Variants in EYS observed in about 807,000 individuals in gnomAD.
EYS encodes protein eyes shut homolog.
A neutral mutation model predicts 282.1 loss-of-function variants in EYS; 250 were observed. That is an observed-to-expected ratio of 0.89 (90% CI 0.80 to 0.98). The LOEUF (loss-of-function observed/expected upper bound fraction) is 0.98. Ranked by LOEUF, EYS falls within the 50% of genes least tolerant of loss-of-function variation. The pLI is 0.00. For missense variants in EYS, 4,016 were observed against 3,709.0 expected, an observed-to-expected ratio of 1.08 and a Z score of -2.15; for synonymous variants, 1,355 against 1,282.9, an observed-to-expected ratio of 1.06 and a Z score of -1.20.
At chr6:64,235,647 T>A (rs1353267467) in intron 30 of EYS, among the ~76,000 whole-genome samples, 1 of 152,100 alleles carries the variant, frequency 6.6e-6, no homozygotes, top group Non-Finnish European at 1.5e-5. Flanking sequence ...TGGTTCTAGA[T>A]CCCTGAGGAA....
chr6:65,616,055 C>G (rs961152589), intron 2 of EYS, among the ~76,000 whole-genome samples: 7 of 146,930 alleles, frequency 4.8e-5, no homozygotes, highest in Non-Finnish European at 7.6e-5. Context: ...AATGCATTAG[C>G]ATCAAGCATT....
intron 2 of EYS, among the ~76,000 whole-genome samples, chr6:65,622,954 G>C (rs1461115217): frequency 1.3e-5 from 2 of 152,110 alleles, no homozygotes; most frequent in East Asian, 3.9e-4. Context: ...GCTGAGATCT[G>C]TCTATGTTGC....
chr6:65,128,943 G>A (rs2150201161), intron 12 of EYS, among the ~76,000 whole-genome samples: 1 of 152,026 alleles, frequency 6.6e-6, no homozygotes, highest in Admixed American at 6.6e-5. Context: ...AAAAAAACCA[G>A]CATGGAACTG....
rs955486157 is a variant in EYS at position 64,448,579 on chromosome 6, C to T, written c.5645-9227G>A. ...CCTCCTCAAGTGGGTCCCTGACCCCCAAGTAGCCTAACTGGGAGGCACCCC... is the reference window on the plus strand; with the variant it reads ...CCTCCTCAAGTGGGTCCCTGACCCCTAAGTAGCCTAACTGGGAGGCACCCC... On this transcript the variant is annotated intron_variant, in intron 26 of 42. Coordinates refer to ENST00000503581, the MANE Select transcript of EYS (RefSeq NM_001142800.2). Among the ~76,000 whole-genome samples, 31 of 152,262 alleles carry T rather than the reference C, an allele frequency of 2.0e-4. 1 individual carries two copies. The highest frequency in any genetic ancestry group is 7.2e-4 in the African/African-American group (30 of 41,564).
At chr6:64,249,869 G>T (rs1767149747) in intron 30 of EYS, among the ~76,000 whole-genome samples, 1 of 152,128 alleles carries the variant, frequency 6.6e-6, no homozygotes, top group Non-Finnish European at 1.5e-5. Flanking sequence ...AACACAATTG[G>T]AAGTCAGAGG....
At chr6:65,513,269 A>T (rs1001674888) in intron 2 of EYS, among the ~76,000 whole-genome samples, 6 of 152,150 alleles carry the variant, frequency 3.9e-5, no homozygotes, top group African/African-American at 1.4e-4. Flanking sequence ...ATAGACCAAT[A>T]ACAGGCTCTG....
chr6:64,416,620 A>G (rs1423120860), intron 28 of EYS, among the ~76,000 whole-genome samples: 4 of 151,848 alleles, frequency 2.6e-5, no homozygotes, highest in African/African-American at 9.7e-5. Context: ...AAACTTCATA[A>G]GTACTTAATG....
At chr6:65,101,129 A>T (rs1283605271) in intron 12 of EYS, among the ~76,000 whole-genome samples, 2 of 151,124 alleles carry the variant, frequency 1.3e-5, no homozygotes, top group East Asian at 3.9e-4. Flanking sequence ...AAAAGGAATG[A>T]TTCTGGGGAA....
chr6:63,934,117 G>A (rs765432980), intron 35 of EYS, among the ~76,000 whole-genome samples: 1 of 152,158 alleles, frequency 6.6e-6, no homozygotes, highest in Non-Finnish European at 1.5e-5. Context: ...CTCAAAAGAA[G>A]ACACTTATGC....
At chr6:65,606,158 T>C (rs765731202) in intron 2 of EYS, among the ~76,000 whole-genome samples, 1 of 151,596 alleles carries the variant, frequency 6.6e-6, no homozygotes, top group African/African-American at 2.4e-5. Flanking sequence ...ATAAGAAATA[T>C]AGAGAATAAG....
At chr6:64,343,445 T>G (rs1411455509) in intron 29 of EYS, among the ~76,000 whole-genome samples, 1 of 151,970 alleles carries the variant, frequency 6.6e-6, no homozygotes, top group East Asian at 1.9e-4. Context: ...AACAACCTGC[T>G]CCTGAATGAC....
At chr6:64,406,732 T>C (rs1269513754) in intron 28 of EYS, among the ~76,000 whole-genome samples, 2 of 152,180 alleles carry the variant, frequency 1.3e-5, no homozygotes, top group Non-Finnish European at 2.9e-5. Context: ...ATTACAGAAA[T>C]GCAAATCAAA....
intron 13 of EYS, among the ~76,000 whole-genome samples, chr6:65,001,000 G>C (rs1771445673): frequency 6.6e-6 from 1 of 152,202 alleles, no homozygotes; most frequent in Non-Finnish European, 1.5e-5. Context: ...ACCCCTTGAG[G>C]GAGGGGGACC....
chr6:63,764,817 C>T (rs757767813), intron 40 of EYS, among the ~76,000 whole-genome samples: 2 of 151,714 alleles, frequency 1.3e-5, no homozygotes, highest in Non-Finnish European at 2.9e-5. Context: ...AAACAATTAG[C>T]TATATGTTTA....
chr6:64,336,148 T>C (rs903203497), intron 29 of EYS, among the ~76,000 whole-genome samples: 5 of 152,032 alleles, frequency 3.3e-5, no homozygotes, highest in African/African-American at 1.2e-4. Context: ...ATACTAACAT[T>C]GAATGTAAAT....
At chr6:65,407,612 T>A (rs980011389) in intron 5 of EYS, among the ~76,000 whole-genome samples, 1 of 152,172 alleles carries the variant, frequency 6.6e-6, no homozygotes, top group African/African-American at 2.4e-5. Context: ...TAGCTTGTAG[T>A]CTGAAAACGG....
At position 64,627,335 on chromosome 6, in the gene EYS, GAA is replaced by G. The variant is rs1407863803; in HGVS notation, c.3444-1092_3444-1091del. 2.6e-5 allele frequency among the ~76,000 whole-genome samples: 4 copies of G among 152,282 alleles called. No individual in the cohort carries two copies. In the South Asian group the frequency reaches 6.2e-4, roughly 24 times the overall value. On this transcript the variant is annotated intron_variant, in intron 22 of 42. Coordinates refer to ENST00000503581, the MANE Select transcript of EYS (RefSeq NM_001142800.2). ...AGAGTATACGCAAGGGCAAGAATAA[GAA>G]AAGAGTGTGAGTTAATCCAGAAATT... is the stretch of plus-strand genomic sequence containing the variant.
At chr6:64,844,198 A>G (rs1765649332) in intron 19 of EYS, among the ~76,000 whole-genome samples, 1 of 151,848 alleles carries the variant, frequency 6.6e-6, no homozygotes, top group South Asian at 2.1e-4. Flanking sequence ...GTATTACTTC[A>G]TCTCTCCATA....
chr6:64,589,894 C>T (rs369693792), intron 26 of EYS, among the ~76,000 whole-genome samples: 1 of 151,980 alleles, frequency 6.6e-6, no homozygotes, highest in Non-Finnish European at 1.5e-5. Flanking sequence ...GACAAAGAAG[C>T]TATTTCAAGA....
Sources: allele counts gnomAD v4.1 joint callset (sites outside exome capture counted in the v4.1 genomes callset), GRCh38; gene constraint gnomAD v4.1.1; transcripts MANE v1.5; gene names NCBI Gene and HGNC (gene_info 2026-07-23, HGNC 2026-07-21).